Variants in PPM1E observed in about 807,000 individuals in gnomAD.
The protein encoded by PPM1E is protein phosphatase, Mg2+/Mn2+ dependent 1E, also known as protein phosphatase 1E.
PPM1E carries 20 observed loss-of-function variants against 65.9 expected under a neutral mutation model. The ratio of observed to expected loss-of-function variants is 0.30; its 90% CI spans 0.21 to 0.44. The LOEUF is 0.44. Among genes scored for constraint, PPM1E ranks in the 20% least tolerant of loss-of-function variants. PPM1E has a pLI of 1.00. For missense variants in PPM1E, 713 were observed against 953.1 expected, an observed-to-expected ratio of 0.75 and a Z score of 3.32; for synonymous variants, 352 against 374.9, an observed-to-expected ratio of 0.94 and a Z score of 0.70.
chr17:58,981,905 ATACCATT>A lies in PPM1E; in HGVS notation c.*878_*884del, dbSNP rs2031375762. 6.6e-6 allele frequency: 1 copy of A among 152,664 alleles called. No individual in the cohort carries two copies. The highest frequency in any genetic ancestry group is 2.1e-4 in the South Asian group (1 of 4,838). 9.5% of individuals were successfully genotyped at this position (152,664 alleles called of 1,614,324 possible). On this transcript the variant is annotated 3_prime_UTR_variant, in exon 7 of 7. Coordinates refer to ENST00000308249, the MANE Select transcript of PPM1E (RefSeq NM_014906.5). The stretch of plus-strand genomic sequence containing the variant: ...GGTACAAATACACTATAGAGTCAAA[ATACCATT>A]TACAAAGAAAATCAAAAGCATTTCT...
chr17:58,919,805 A>G (rs1267335055), intron 1 of PPM1E, among the ~76,000 whole-genome samples: 2 of 152,118 alleles, frequency 1.3e-5, no homozygotes, highest in African/African-American at 4.8e-5. Flanking sequence ...AAAAGGAAAA[A>G]AAAAGATAGA....
chr17:58,847,556 G>C (rs1412901607), intron 1 of PPM1E, among the ~76,000 whole-genome samples: 1 of 152,164 alleles, frequency 6.6e-6, no homozygotes, highest in Non-Finnish European at 1.5e-5. Flanking sequence ...GTTTTTGTCA[G>C]ATTTGTCAGT....
intron 1 of PPM1E, among the ~76,000 whole-genome samples, chr17:58,766,699 C>T (rs2049883399): frequency 6.6e-6 from 1 of 151,928 alleles, no homozygotes; most frequent in Non-Finnish European, 1.5e-5. Context: ...GTTCTTTATG[C>T]AATCTAATAT....
intron 2 of PPM1E, among the ~76,000 whole-genome samples, chr17:58,959,687 C>CA (rs2029971847): frequency 6.8e-6 from 1 of 146,996 alleles, no homozygotes. Flanking sequence ...AAAAAAAAAT[C>CA]TTAAGTAAAA....
At chr17:58,791,307 C>G (rs1282211807) in intron 1 of PPM1E, among the ~76,000 whole-genome samples, 1 of 152,100 alleles carries the variant, frequency 6.6e-6, no homozygotes, top group Non-Finnish European at 1.5e-5. Context: ...ATGATAAATG[C>G]TATAATGGAC....
chr17:58,981,596 A>G lies in PPM1E; in HGVS notation c.*565A>G, dbSNP rs1317579367. ...AACAATGAAAGTGGTAAATCAGTGTAAAAGTGTCATATTCTCAGACTTGTG... is the reference window on the plus strand; with the variant it reads ...AACAATGAAAGTGGTAAATCAGTGTGAAAGTGTCATATTCTCAGACTTGTG... On this transcript the variant is annotated 3_prime_UTR_variant, in exon 7 of 7. Transcript: ENST00000308249. 6.5e-6 allele frequency: 1 copy of G among 152,684 alleles called. No individual in the cohort carries two copies. Among genetic ancestry groups the G allele is most frequent in the East Asian group, 1.9e-4 (1 of 5,206 alleles). 9.5% of individuals were successfully genotyped at this position (152,684 alleles called of 1,614,324 possible).
chr17:58,828,507 C>T (rs991583607), intron 1 of PPM1E, among the ~76,000 whole-genome samples: 2 of 151,960 alleles, frequency 1.3e-5, no homozygotes, highest in African/African-American at 4.8e-5. Context: ...TCTTGTTTCC[C>T]AGGCTGGAGT....
chr17:58,972,216 A>G lies in PPM1E; in HGVS notation c.1057A>G (p.Met353Val). 5.0e-6 allele frequency: 8 copies of G among 1,614,182 alleles called. No homozygotes were observed. The highest frequency in any genetic ancestry group is 6.8e-6 in the Non-Finnish European group (8 of 1,180,006). Reference protein sequence around the residue: ...HVAWVGDSQVMLVRKGQAVEL... With the variant: ...HVAWVGDSQVVLVRKGQAVEL... ...GGCCTGGGTGGGTGATTCCCAGGTT[A>G]TGCTTGTGAGAAAGGGCCAAGCTGT... The change falls in exon 5 of 7, where the codon ATG becomes GTG. Residue 353 changes from methionine to valine, a missense_variant. By Grantham distance (21) the Met-to-Val change is conservative. This residue lies in a region of PPM1E where 88 missense variants were observed against 231.1 expected (regional missense o/e 0.38). Coordinates refer to ENST00000308249, the MANE Select transcript of PPM1E (RefSeq NM_014906.5).
At chr17:58,852,488 C>A (rs533832094) in intron 1 of PPM1E, among the ~76,000 whole-genome samples, 1 of 152,016 alleles carries the variant, frequency 6.6e-6, no homozygotes, top group African/African-American at 2.4e-5. Context: ...TAGTAGCCAT[C>A]CTAATTAGTA....
At chr17:58,784,561 T>C (rs2050080771) in intron 1 of PPM1E, among the ~76,000 whole-genome samples, 1 of 149,960 alleles carries the variant, frequency 6.7e-6, no homozygotes, top group Non-Finnish European at 1.5e-5. Context: ...AGTCTCACTC[T>C]GTCGCCAGGC....
chr17:58,968,130 C>T (rs1190685340), intron 3 of PPM1E, among the ~76,000 whole-genome samples: 2 of 152,052 alleles, frequency 1.3e-5, no homozygotes, highest in Non-Finnish European at 2.9e-5. Flanking sequence ...TTGTTTAATC[C>T]GTCCTTCATG....
intron 1 of PPM1E, among the ~76,000 whole-genome samples, chr17:58,882,882 T>C (rs1162725910): frequency 6.6e-6 from 1 of 152,068 alleles, no homozygotes; most frequent in Admixed American, 6.6e-5. Context: ...TTTTCTGTTT[T>C]ATTCTGTTCT....
intron 1 of PPM1E, among the ~76,000 whole-genome samples, chr17:58,881,998 A>C (rs2051200677): frequency 3.4e-5 from 1 of 29,208 alleles, no homozygotes; most frequent in African/African-American, 1.4e-4. Flanking sequence ...TGTCTCTACA[A>C]AAAAAAAAAA....
At chr17:58,915,573 C>T (rs1481347268) in intron 1 of PPM1E, among the ~76,000 whole-genome samples, 1 of 152,158 alleles carries the variant, frequency 6.6e-6, no homozygotes, top group African/African-American at 2.4e-5. Context: ...TGGAGTTGCT[C>T]TGGTTCAAAT....
At chr17:58,866,208 C>T (rs2051001908) in intron 1 of PPM1E, among the ~76,000 whole-genome samples, 2 of 152,054 alleles carry the variant, frequency 1.3e-5, no homozygotes, top group African/African-American at 2.4e-5. Context: ...GGGTGGAGCC[C>T]TTGGATGAAT....
chr17:58,918,574 G>C (rs907914105), intron 1 of PPM1E, among the ~76,000 whole-genome samples: 2 of 151,996 alleles, frequency 1.3e-5, no homozygotes, highest in Admixed American at 6.6e-5. Flanking sequence ...GGGAGGCTGA[G>C]GCTGGTGGAT....
chr17:58,765,336 C>T (rs532595718), intron 1 of PPM1E, among the ~76,000 whole-genome samples: 1 of 152,004 alleles, frequency 6.6e-6, no homozygotes, highest in South Asian at 2.1e-4. Context: ...CATCACCATG[C>T]CCAGCTAATT....
intron 1 of PPM1E, among the ~76,000 whole-genome samples, chr17:58,941,895 CTCGGGGGAG>C (rs1040863891): frequency 6.6e-6 from 1 of 151,100 alleles, no homozygotes; most frequent in Admixed American, 6.6e-5. Flanking sequence ...ATCCCAGCTA[CTCGGGGGAG>C]TGAGGCAGGA....
chr17:58,820,398 A>C (rs1005523310), intron 1 of PPM1E, among the ~76,000 whole-genome samples: 6 of 152,206 alleles, frequency 3.9e-5, no homozygotes, highest in African/African-American at 7.2e-5. Flanking sequence ...GCAGCTGATA[A>C]TAGTGCTATC....
Sources: allele counts gnomAD v4.1 joint callset (sites outside exome capture counted in the v4.1 genomes callset), GRCh38; gene constraint gnomAD v4.1.1; regional missense constraint gnomAD v4.1.1; transcripts MANE v1.5; gene names NCBI Gene and HGNC (gene_info 2026-07-23, HGNC 2026-07-21).